PDE3B: variants seen among roughly 807,000 people sequenced by gnomAD.
PDE3B encodes cGMP-inhibited 3',5'-cyclic phosphodiesterase 3B.
PDE3B carries 66 observed loss-of-function variants against 116.8 expected under a neutral mutation model. The ratio of observed to expected loss-of-function variants is 0.56; its 90% CI spans 0.46 to 0.69. The LOEUF is 0.69. PDE3B is among the 30% of genes least tolerant of loss of function. PDE3B has a pLI of 0.00. For synonymous variants in PDE3B, 595 were observed against 533.6 expected (o/e 1.12, Z -1.59); for missense variants, 1,384 against 1,368.1 (o/e 1.01, Z -0.18).
chr11:14,892,098 C>A, the PDE3B span: 1 of 1,611,622 alleles, frequency 6.2e-7, no homozygotes, highest in Non-Finnish European at 8.5e-7. Flanking sequence ...GGAAGCCCAT[C>A]GGCCGCCTCT....
chr11:14,662,150 A>G (rs1853947264), intron 1 of PDE3B, among the ~76,000 whole-genome samples: 1 of 152,280 alleles, frequency 6.6e-6, no homozygotes, highest in South Asian at 2.1e-4. Flanking sequence ...CACGGTTCAC[A>G]AAAATCCGCT....
chr11:14,715,849 T>G (rs1475316791), intron 1 of PDE3B, among the ~76,000 whole-genome samples: 1 of 152,200 alleles, frequency 6.6e-6, no homozygotes, highest in Non-Finnish European at 1.5e-5. Context: ...TAGCAAAGAC[T>G]TGGAACCAAG....
intron 7 of PDE3B, 67 bp downstream of exon 7, chr11:14,819,276 G>A (rs1859440600): frequency 1.1e-6 from 1 of 899,602 alleles, no homozygotes; most frequent in African/African-American, 1.6e-5. Flanking sequence ...TTTAGAATGG[G>A]AAAATGAATG....
chr11:14,823,687 C>G (rs568708235), intron 7 of PDE3B, among the ~76,000 whole-genome samples: 14 of 152,328 alleles, frequency 9.2e-5, no homozygotes, highest in Admixed American at 7.2e-4. Context: ...GCCATCTTTG[C>G]TGTTTTACAC....
the PDE3B span, chr11:14,890,534 A>ATTTTTT: frequency 1.2e-5 from 2 of 170,268 alleles, no homozygotes; most frequent in African/African-American, 9.1e-5. Context: ...ACCTAGACCA[A>ATTTTTT]TTCTTTTTTT....
intron 1 of PDE3B, among the ~76,000 whole-genome samples, chr11:14,705,244 T>A (rs1212085449): frequency 6.6e-6 from 1 of 151,814 alleles, no homozygotes; most frequent in East Asian, 1.9e-4. Context: ...AGCTGTAAAC[T>A]GGGAACACCC....
intron 1 of PDE3B, among the ~76,000 whole-genome samples, chr11:14,701,753 T>A (rs1855367094): frequency 5.3e-5 from 8 of 151,738 alleles, no homozygotes; most frequent in Admixed American, 4.6e-4. Flanking sequence ...TATTACTTGA[T>A]TATGGAAATA....
At chr11:14,790,941 A>G (rs979761053) in intron 4 of PDE3B, among the ~76,000 whole-genome samples, 2 of 152,072 alleles carry the variant, frequency 1.3e-5, no homozygotes, top group Admixed American at 6.6e-5. Flanking sequence ...AATTTTTGCA[A>G]TGATGGAAAT....
At chr11:14,853,103 C>T (rs1239735639) in intron 12 of PDE3B, among the ~76,000 whole-genome samples, 4 of 126,810 alleles carry the variant, frequency 3.2e-5, no homozygotes, top group African/African-American at 5.1e-5. Flanking sequence ...TTTGCACTTT[C>T]TGTTCTCCCT....
intron 1 of PDE3B, among the ~76,000 whole-genome samples, chr11:14,730,889 C>T (rs973257391): frequency 6.6e-6 from 1 of 152,150 alleles, no homozygotes. Context: ...AGCAGTTATT[C>T]TCATTTTAGA....
intron 1 of PDE3B, among the ~76,000 whole-genome samples, chr11:14,744,010 A>T (rs1856840987): frequency 6.6e-6 from 1 of 152,204 alleles, no homozygotes; most frequent in South Asian, 2.1e-4. Flanking sequence ...CTATTCGACC[A>T]TCTTGCCAGC....
intron 1 of PDE3B, among the ~76,000 whole-genome samples, chr11:14,716,274 C>T (rs1354493558): frequency 2.0e-5 from 3 of 152,310 alleles, no homozygotes; most frequent in African/African-American, 7.2e-5. Context: ...GTGCTACGCC[C>T]ACGGAATCTC....
At chr11:14,772,650 A>G (rs1457942639) in intron 2 of PDE3B, 3 of 151,914 alleles carry the variant, frequency 2.0e-5, no homozygotes, top group African/African-American at 7.2e-5. Flanking sequence ...TATATACACA[A>G]ATGGAATAAT....
chr11:14,713,878 A>C (rs1855786748), intron 1 of PDE3B, among the ~76,000 whole-genome samples: 1 of 152,188 alleles, frequency 6.6e-6, no homozygotes, highest in South Asian at 2.1e-4. Flanking sequence ...GAAGAAAAAC[A>C]CTACAGGCAG....
intron 1 of PDE3B, among the ~76,000 whole-genome samples, chr11:14,726,784 T>C (rs1565110587): frequency 6.6e-6 from 1 of 152,102 alleles, no homozygotes; most frequent in Non-Finnish European, 1.5e-5. Flanking sequence ...CTTTTAAGAG[T>C]TATTTCAGTG....
chr11:14,682,042 A>G (rs531850996), intron 1 of PDE3B, among the ~76,000 whole-genome samples: 1 of 152,332 alleles, frequency 6.6e-6, no homozygotes, highest in East Asian at 1.9e-4. Flanking sequence ...TAAGCTAGAG[A>G]AAAGAAAATG....
chr11:14,804,302 A>G (rs1017336582), intron 5 of PDE3B, among the ~76,000 whole-genome samples: 12 of 152,260 alleles, frequency 7.9e-5, no homozygotes, highest in African/African-American at 2.9e-4. Context: ...ATATATAACT[A>G]TTTAACTAAC....
chr11:14,869,510 C>G lies in PDE3B; in HGVS notation c.3189C>G (p.His1063Gln), dbSNP rs902076011. The G allele has an allele frequency of 3.1e-6, 5 of 1,612,734 alleles. No individual in the cohort carries two copies. In the South Asian group the frequency reaches 3.3e-5, roughly 11 times the overall value. The stretch of plus-strand genomic sequence containing the variant: ...GGCGAATATTTTGTCAGCTAATGCA[C>G]CACCTCACTGAAAACCACAAGATAT... ...SRRRIFCQLM[H>Q]HLTENHKIWK... Residue 1063 changes from histidine (H) to glutamine (Q), a missense_variant, in exon 16 of 16, where the codon CAC becomes CAG. This residue lies in a region of PDE3B where 428 missense variants were observed against 561.4 expected (regional missense o/e 0.76). Coordinates refer to ENST00000282096, the MANE Select transcript of PDE3B (RefSeq NM_000922.4).
chr11:14,670,244 C>T (rs113025142), intron 1 of PDE3B, among the ~76,000 whole-genome samples: 14 of 152,092 alleles, frequency 9.2e-5, no homozygotes, highest in Non-Finnish European at 1.3e-4. Context: ...TATCTAATAC[C>T]GGCTCAGTTT....
Sources: allele counts gnomAD v4.1 joint callset (sites outside exome capture counted in the v4.1 genomes callset), GRCh38; gene constraint gnomAD v4.1.1; regional missense constraint gnomAD v4.1.1; transcripts MANE v1.5; gene names NCBI Gene and HGNC (gene_info 2026-07-23, HGNC 2026-07-21).